The following STAU2 variants were observed in gnomAD, a reference collection of about 807,000 sequenced individuals.
STAU2 encodes double-stranded RNA-binding protein Staufen homolog 2.
A neutral mutation model predicts 65.9 loss-of-function variants in STAU2; 20 were observed. That is an observed-to-expected ratio of 0.30 (90% CI 0.21 to 0.44). The LOEUF (loss-of-function observed/expected upper bound fraction) is 0.44, where lower values mean the gene tolerates loss of function less well. Among genes scored for constraint, STAU2 ranks in the 20% least tolerant of loss-of-function variants. The probability of loss-of-function intolerance (pLI) is 1.00; values close to 1 mark genes in which losing one functional copy is unlikely to be tolerated. For synonymous variants in STAU2, 232 were observed against 233.9 expected, an observed-to-expected ratio of 0.99 and a Z score of 0.07; for missense variants, 558 against 683.9, an observed-to-expected ratio of 0.82 and a Z score of 2.05.
At chr8:73,596,204 A>G (rs1811174840) in intron 10 of STAU2, among the ~76,000 whole-genome samples, 2 of 152,104 alleles carry the variant, frequency 1.3e-5, no homozygotes, top group South Asian at 4.2e-4. Context: ...AAATTATTTA[A>G]TATCTCTAAG....
rs116142868 is a variant in STAU2, at chr8:73,457,075, T to C, written c.1531-34373A>G. 4.4e-3 allele frequency among the ~76,000 whole-genome samples: 667 copies of C among 152,356 alleles called. 7 individuals are homozygous for C. Among genetic ancestry groups the C allele is most frequent in the African/African-American group, 0.015 (624 of 41,576 alleles). ...CTCAGGACATATTATATCCATAAAT[T>C]AGATTTTTTTCATAATCCTCTCTGG... On this transcript the variant is annotated intron_variant, in intron 13 of 14. Transcript: ENST00000524300.
At chr8:73,715,500 T>C (rs565715149) in intron 3 of STAU2, among the ~76,000 whole-genome samples, 185 of 150,962 alleles carry the variant, frequency 1.2e-3, no homozygotes, top group Non-Finnish European at 2.3e-3. Flanking sequence ...ATTCCAGTGA[T>C]ATATAATTTT....
chr8:73,747,469 A>G (rs2130808880), upstream of STAU2: 1 of 1,534,526 alleles, frequency 6.5e-7, no homozygotes, highest in South Asian at 1.2e-5. Context: ...GCCGCTGTGC[A>G]ACGCACGGTT....
Position 73,651,631 on chromosome 8 carries a change from G to A in STAU2, c.410+21476C>T, listed in dbSNP as rs149737386. On this transcript the variant is annotated intron_variant, in intron 6 of 14. Transcript: ENST00000524300. Reference sequence around the variant, plus strand: ...CTGGCTCCTTCTGGGGTCTCTGCAAGTGGAACAAGAGGCCCTGGCCTCTGA... The same window carrying A: ...CTGGCTCCTTCTGGGGTCTCTGCAAATGGAACAAGAGGCCCTGGCCTCTGA... 153 of 598,592 alleles carry A rather than the reference G, an allele frequency of 2.6e-4. 1 individual carries two copies. The highest frequency in any genetic ancestry group is 1.7e-3 in the Middle Eastern group (4 of 2,370). The allele number at this position is 598,592 out of a possible 1,614,324, so 37.1% of individuals were successfully genotyped here. A position where few individuals can be genotyped will look rare whatever the true frequency, so the allele number is the denominator to read the frequency against.
chr8:73,498,806 A>T (rs905038251), intron 13 of STAU2, among the ~76,000 whole-genome samples: 1 of 151,842 alleles, frequency 6.6e-6, no homozygotes, highest in Non-Finnish European at 1.5e-5. Context: ...ATGAGACATA[A>T]ACATTGAGCA....
chr8:73,434,978 G>A (rs535290538), intron 13 of STAU2, among the ~76,000 whole-genome samples: 2 of 151,862 alleles, frequency 1.3e-5, no homozygotes, highest in African/African-American at 4.9e-5. Flanking sequence ...ACCTCATTGA[G>A]TGCCAGTCCA....
chr8:73,557,843 T>C (rs1188160522), intron 12 of STAU2, among the ~76,000 whole-genome samples: 1 of 152,220 alleles, frequency 6.6e-6, no homozygotes, highest in Non-Finnish European at 1.5e-5. Context: ...CTATCTTTTG[T>C]CCCTGGTTTT....
chr8:73,653,498 C>T (rs1190835474), intron 6 of STAU2: 1 of 152,386 alleles, frequency 6.6e-6, no homozygotes, highest in Non-Finnish European at 1.5e-5. Context: ...TAATTCTTCC[C>T]TTCTTCTTTA....
At chr8:73,578,185 G>C (rs192643843) in intron 12 of STAU2, among the ~76,000 whole-genome samples, 3 of 152,046 alleles carry the variant, frequency 2.0e-5, no homozygotes, top group African/African-American at 7.2e-5. Flanking sequence ...TGAGCCAAGC[G>C]AGTTTTTAAA....
upstream of STAU2, chr8:73,747,196 G>T: frequency 1.7e-6 from 1 of 592,290 alleles, no homozygotes; most frequent in Non-Finnish European, 2.7e-6. Context: ...GCACGCGGGC[G>T]AGCGACTGCG....
intron 10 of STAU2, among the ~76,000 whole-genome samples, chr8:73,597,813 A>C (rs556750976): frequency 3.9e-5 from 6 of 152,290 alleles, no homozygotes; most frequent in South Asian, 2.1e-4. Context: ...ATATGACTAA[A>C]ACTACTAATG....
At chr8:73,656,265 A>C (rs892015256) in intron 6 of STAU2, among the ~76,000 whole-genome samples, 1 of 152,248 alleles carries the variant, frequency 6.6e-6, no homozygotes, top group African/African-American at 2.4e-5. Context: ...AATGTAATTC[A>C]CATTAAAAAC....
intron 4 of STAU2, among the ~76,000 whole-genome samples, chr8:73,698,196 A>C (rs1276352565): frequency 6.6e-6 from 1 of 152,194 alleles, no homozygotes; most frequent in Non-Finnish European, 1.5e-5. Flanking sequence ...AAAGCATACC[A>C]CCACAGAAAA....
intron 5 of STAU2, among the ~76,000 whole-genome samples, chr8:73,687,250 A>AAAT (rs1818921142): frequency 3.0e-5 from 2 of 66,722 alleles, no homozygotes; most frequent in Non-Finnish European, 6.1e-5. Flanking sequence ...TTAAATATAA[A>AAAT]TTAATTTATA....
chr8:73,484,236 A>G (rs1438901693), intron 13 of STAU2, among the ~76,000 whole-genome samples: 1 of 152,178 alleles, frequency 6.6e-6, no homozygotes, highest in Non-Finnish European at 1.5e-5. Flanking sequence ...CAAAAATTTG[A>G]TATTTATGAG....
At chr8:73,670,502 T>C (rs960730501) in intron 6 of STAU2, 10 of 151,892 alleles carry the variant, frequency 6.6e-5, no homozygotes, top group Admixed American at 3.3e-4. Flanking sequence ...GTGAGGTATA[T>C]AGATGCCTCT....
intron 12 of STAU2, among the ~76,000 whole-genome samples, chr8:73,562,971 T>C (rs1249687328): frequency 3.3e-5 from 5 of 151,852 alleles, no homozygotes; most frequent in Admixed American, 6.6e-5. Context: ...AAATAATATA[T>C]ATATATAAAG....
At chr8:73,637,477 T>TAAAAAAAAGAAAAA (rs1814619063) in intron 6 of STAU2, among the ~76,000 whole-genome samples, 1 of 57,086 alleles carries the variant, frequency 1.8e-5, no homozygotes, top group Non-Finnish European at 3.0e-5. Context: ...GTGCTGAAAG[T>TAAAAAAAAGAAAAA]AAAAAAAAAA....
chr8:73,438,459 G>A (rs1225072836), intron 13 of STAU2, among the ~76,000 whole-genome samples: 1 of 152,228 alleles, frequency 6.6e-6, no homozygotes, highest in African/African-American at 2.4e-5. Context: ...TGAGCCACAG[G>A]GAGCTGGGGC....
Sources: gnomAD v4.1 joint callset for allele counts (sites outside exome capture counted in the v4.1 genomes callset) on GRCh38, gnomAD v4.1.1 for gene constraint, MANE v1.5 for transcripts, NCBI Gene and HGNC (gene_info 2026-07-23, HGNC 2026-07-21) for gene names.